The following SDCCAG8 variants were observed in gnomAD, a reference collection of about 807,000 sequenced individuals.
The protein encoded by SDCCAG8 is SHH signaling and ciliogenesis regulator SDCCAG8.
SDCCAG8 carries 74 observed loss-of-function variants against 101.8 expected under a neutral mutation model. The ratio of observed to expected loss-of-function variants is 0.73; its 90% confidence interval spans 0.60 to 0.88. SDCCAG8 has a LOEUF of 0.88. SDCCAG8 is among the 40% of genes least tolerant of loss of function. The pLI is 0.00. For synonymous variants in SDCCAG8, 281 were observed against 292.9 expected, an observed-to-expected ratio of 0.96 and a Z score of 0.41; for missense variants, 787 against 822.6, an observed-to-expected ratio of 0.96 and a Z score of 0.53.
At chr1:243,372,897 CATATCTATATCT>C (rs71981276) in intron 12 of SDCCAG8, among the ~76,000 whole-genome samples, 7,737 of 138,466 alleles carry the variant, frequency 0.056, 320 homozygotes, top group African/African-American at 0.12. Context: ...ACTTGGGAAC[CATATCTATATCT>C]ATATCTATAT....
chr1:243,418,113 T>G lies in SDCCAG8; in HGVS notation c.1853+37T>G, dbSNP rs200070484. ...TATAGAATACTTTCAAGAGCACTGT[T>G]TGTGTGATTACTCTAATTTTTCCTT... On this transcript the variant is annotated intron_variant, in intron 15 of 17. Coordinates refer to ENST00000366541, the MANE Select transcript of SDCCAG8 (RefSeq NM_006642.5). The G allele has an allele frequency of 4.0e-5, 56 of 1,388,562 alleles. 1 individual carries two copies. The Admixed American group carries it at 6.5e-4, about 16-fold the overall frequency. 86.0% of individuals were successfully genotyped at this position (1,388,562 alleles called of 1,614,324 possible).
At chr1:243,466,965 C>T (rs1311037383) in intron 16 of SDCCAG8, among the ~76,000 whole-genome samples, 1 of 152,260 alleles carries the variant, frequency 6.6e-6, no homozygotes, top group Non-Finnish European at 1.5e-5. Context: ...ATGCAGGTCT[C>T]CACTCTGGAG....
At chr1:243,396,051 C>A (rs2079012552) in intron 13 of SDCCAG8, among the ~76,000 whole-genome samples, 1 of 151,936 alleles carries the variant, frequency 6.6e-6, no homozygotes, top group South Asian at 2.1e-4. Context: ...TACTTTTTTG[C>A]CATATATTTT....
At chr1:243,460,394 G>A (rs913239972) in intron 16 of SDCCAG8, among the ~76,000 whole-genome samples, 8 of 152,130 alleles carry the variant, frequency 5.3e-5, no homozygotes, top group Admixed American at 2.6e-4. Flanking sequence ...GAGGCGACCC[G>A]CAGGAATGGA....
intron 9 of SDCCAG8, among the ~76,000 whole-genome samples, chr1:243,325,355 A>G (rs1221620884): frequency 6.6e-6 from 1 of 152,186 alleles, no homozygotes; most frequent in Non-Finnish European, 1.5e-5. Context: ...CTTTTTATCT[A>G]GAAGGTATGT....
At chr1:243,351,616 T>C (rs963175993) in intron 12 of SDCCAG8, among the ~76,000 whole-genome samples, 1 of 152,248 alleles carries the variant, frequency 6.6e-6, no homozygotes, top group African/African-American at 2.4e-5. Context: ...GAAATTTGTG[T>C]TCTTATCGCA....
chr1:243,310,390 C>T (rs2072607997), intron 8 of SDCCAG8, among the ~76,000 whole-genome samples: 2 of 152,016 alleles, frequency 1.3e-5, no homozygotes, highest in South Asian at 4.1e-4. Flanking sequence ...TCATGAGGTA[C>T]ATATTATTAC....
At chr1:243,357,855 T>C (rs940159577) in intron 12 of SDCCAG8, among the ~76,000 whole-genome samples, 5 of 152,146 alleles carry the variant, frequency 3.3e-5, no homozygotes, top group African/African-American at 1.2e-4. Flanking sequence ...AAACAGACTT[T>C]ACAGTAAATG....
chr1:243,440,128 C>T (rs2082431788), intron 16 of SDCCAG8, among the ~76,000 whole-genome samples: 1 of 152,124 alleles, frequency 6.6e-6, no homozygotes, highest in Non-Finnish European at 1.5e-5. Flanking sequence ...TACTTCACCC[C>T]TGGGTGAGTC....
chr1:243,415,750 C>T lies in SDCCAG8; in HGVS notation c.1665C>T (p.Ala555=). The T allele has an allele frequency of 6.2e-7, 1 of 1,613,778 alleles. No homozygotes were observed. Among genetic ancestry groups the T allele is most frequent in the Non-Finnish European group, 8.5e-7 (1 of 1,179,796 alleles). The change falls in exon 14 of 18, where the codon GCC becomes GCT. Residue 555 remains alanine (A), a synonymous_variant. Coordinates refer to ENST00000366541, the MANE Select transcript of SDCCAG8 (RefSeq NM_006642.5). ...IQQSFSKEAK[A]QALQAQQREQ... ...AGAGCTTTAGCAAGGAAGCAAAGGC[C>T]CAAGCCCTTCAGGCCCAGCAAAGAG...
At chr1:243,265,786 C>T (rs2067535760) in intron 1 of SDCCAG8, among the ~76,000 whole-genome samples, 1 of 151,642 alleles carries the variant, frequency 6.6e-6, no homozygotes, top group Non-Finnish European at 1.5e-5. Context: ...GCACTCCAGC[C>T]TGGGGACAAC....
intron 3 of SDCCAG8, 54 bp from the exon 4 acceptor site, chr1:243,274,489 T>A: frequency 9.6e-7 from 1 of 1,036,894 alleles, no homozygotes; most frequent in Non-Finnish European, 1.5e-6. Flanking sequence ...ATGCTTAATT[T>A]GGCTTTTTAA....
chr1:243,365,384 G>A (rs1282347102), intron 12 of SDCCAG8, among the ~76,000 whole-genome samples: 1 of 152,142 alleles, frequency 6.6e-6, no homozygotes, highest in Admixed American at 6.6e-5. Context: ...AAGCAGCACA[G>A]TATTTAAAGA....
chr1:243,336,260 A>T (rs546910190), intron 10 of SDCCAG8, among the ~76,000 whole-genome samples: 17 of 152,300 alleles, frequency 1.1e-4, no homozygotes, highest in Admixed American at 9.2e-4. Flanking sequence ...AACAGAGCAG[A>T]AGTGTCCTTT....
intron 6 of SDCCAG8, among the ~76,000 whole-genome samples, chr1:243,299,888 G>A (rs1198134145): frequency 2.1e-5 from 3 of 142,418 alleles, no homozygotes; most frequent in African/African-American, 7.9e-5. Flanking sequence ...TTTTTGAGAC[G>A]GAGTCTCACT....
intron 16 of SDCCAG8, among the ~76,000 whole-genome samples, chr1:243,478,430 G>A (rs548689729): frequency 1.3e-5 from 2 of 152,256 alleles, no homozygotes; most frequent in African/African-American, 4.8e-5. Flanking sequence ...GAGAAGAGCA[G>A]GACTTGATCC....
intron 1 of SDCCAG8, among the ~76,000 whole-genome samples, chr1:243,256,899 A>G (rs1251381863): frequency 2.0e-5 from 3 of 152,248 alleles, no homozygotes; most frequent in African/African-American, 7.2e-5. Flanking sequence ...TCAAAACCTT[A>G]TTAATTTAGA....
intron 16 of SDCCAG8, among the ~76,000 whole-genome samples, chr1:243,472,274 A>G (rs1002439268): frequency 1.3e-5 from 2 of 152,326 alleles, no homozygotes; most frequent in African/African-American, 4.8e-5. Context: ...TAGTTGATTC[A>G]GTCAAAGAAC....
At chr1:243,264,355 C>T (rs1387216371) in intron 1 of SDCCAG8, among the ~76,000 whole-genome samples, 1 of 152,204 alleles carries the variant, frequency 6.6e-6, no homozygotes, top group African/African-American at 2.4e-5. Flanking sequence ...TGGCTCACGC[C>T]TGTAATCCCA....
Sources: allele counts gnomAD v4.1 joint callset (sites outside exome capture counted in the v4.1 genomes callset), GRCh38; gene constraint gnomAD v4.1.1; transcripts MANE v1.5; gene names NCBI Gene and HGNC (gene_info 2026-07-23, HGNC 2026-07-21).